Variants in MELK observed in about 807,000 individuals in gnomAD.
The protein encoded by MELK is maternal embryonic leucine zipper kinase.
MELK carries 81 observed loss-of-function variants against 85.0 expected under a neutral mutation model. The ratio of observed to expected loss-of-function variants is 0.95; its 90% CI spans 0.80 to 1.15. MELK has a LOEUF of 1.15. MELK is among the 50% of genes most tolerant of loss of function. MELK has a pLI of 0.00. For missense variants in MELK, 754 were observed against 777.5 expected (o/e 0.97, Z 0.36); for synonymous variants, 252 against 265.0 (o/e 0.95, Z 0.48).
At chr9:36,608,077 G>A (rs912642994) in intron 8 of MELK, among the ~76,000 whole-genome samples, 5 of 151,866 alleles carry the variant, frequency 3.3e-5, no homozygotes, top group African/African-American at 1.2e-4. Context: ...TCAGGAGATC[G>A]AGACCATCCT....
At chr9:36,676,891 A>G (rs557098687) in intron 17 of MELK, among the ~76,000 whole-genome samples, 1 of 152,344 alleles carries the variant, frequency 6.6e-6, no homozygotes, top group African/African-American at 2.4e-5. Context: ...ATGTATAGCT[A>G]TGAAACAGGG....
intron 4 of MELK, among the ~76,000 whole-genome samples, chr9:36,592,445 G>A (rs1823721808): frequency 3.3e-5 from 5 of 152,074 alleles, no homozygotes; most frequent in African/African-American, 1.2e-4. Flanking sequence ...CAAAGTGCTC[G>A]GGATTACAGG....
chr9:36,674,819 TTTTTC>T lies in MELK; in HGVS notation c.1675-7_1675-3del. The T allele has an allele frequency of 6.7e-7, 1 of 1,495,532 alleles. No individual in the cohort carries two copies. The highest frequency in any genetic ancestry group is 9.3e-7 in the Non-Finnish European group (1 of 1,079,346). 92.6% of individuals were successfully genotyped at this position (1,495,532 alleles called of 1,614,324 possible). A position where few individuals can be genotyped will look rare whatever the true frequency, so the allele number is the denominator to read the frequency against. On this transcript the variant is annotated splice_polypyrimidine_tract_variant and intron_variant, in intron 16 of 17. Coordinates refer to ENST00000298048, the MANE Select transcript of MELK (RefSeq NM_014791.4). The stretch of plus-strand genomic sequence containing the variant: ...GTAAAAATTTACTTCTCATCTCTTC[TTTTTC>T]TTTTCTTAGCTTCACTATAACGTGA...
At position 36,665,585 on chromosome 9, in the gene MELK, T is replaced by C; in HGVS notation, c.1408+4T>C. The C allele has an allele frequency of 6.3e-7, 1 of 1,597,684 alleles. No individual in the cohort carries two copies. Among genetic ancestry groups the C allele is most frequent in the Non-Finnish European group, 8.6e-7 (1 of 1,168,532 alleles). On this transcript the variant is annotated splice_donor_region_variant and intron_variant, in intron 14 of 17. Transcript: ENST00000298048. ...CGTTACACTACACCCTCAAAAGGTATTTGCTAAGTGAATTAAGCAGTAAGA... is the reference window on the plus strand; with the variant it reads ...CGTTACACTACACCCTCAAAAGGTACTTGCTAAGTGAATTAAGCAGTAAGA...
intron 8 of MELK, among the ~76,000 whole-genome samples, chr9:36,620,855 CCTT>C (rs1012293560): frequency 6.6e-6 from 1 of 151,910 alleles, no homozygotes; most frequent in African/African-American, 2.4e-5. Flanking sequence ...AGCTGCATTC[CCTT>C]CTTTTGAGAT....
At chr9:36,635,798 C>CTTTTT (rs759256315) in intron 10 of MELK, among the ~76,000 whole-genome samples, 1 of 134,094 alleles carries the variant, frequency 7.5e-6, no homozygotes, top group Non-Finnish European at 1.6e-5. Flanking sequence ...TTAAAAAATG[C>CTTTTT]TTTTTTTTTT....
intron 14 of MELK, among the ~76,000 whole-genome samples, chr9:36,667,949 A>T (rs911193339): frequency 7.2e-5 from 11 of 152,084 alleles, no homozygotes; most frequent in Admixed American, 4.6e-4. Flanking sequence ...TTGTATTTTT[A>T]GTAGAGATGG....
At chr9:36,676,564 A>G (rs1833365913) in intron 17 of MELK, among the ~76,000 whole-genome samples, 1 of 152,100 alleles carries the variant, frequency 6.6e-6, no homozygotes, top group Admixed American at 6.5e-5. Context: ...CGTACGTTTC[A>G]GTTATGGGAA....
intron 3 of MELK, among the ~76,000 whole-genome samples, chr9:36,589,231 C>T (rs1823272252): frequency 6.6e-6 from 1 of 151,960 alleles, no homozygotes; most frequent in Non-Finnish European, 1.5e-5. Flanking sequence ...TCACTCCAAG[C>T]TCCGCCTCCC....
chr9:36,677,392 A>T lies in MELK; in HGVS notation c.*55A>T. On this transcript the variant is annotated 3_prime_UTR_variant, in exon 18 of 18. Transcript: ENST00000298048. Reference sequence around the variant, plus strand: ...GTGTGGGTGTGATACAGCCTACATAAAGACTGTTATGATCGCTTTGATTTT... The same window carrying T: ...GTGTGGGTGTGATACAGCCTACATATAGACTGTTATGATCGCTTTGATTTT... The T allele has an allele frequency of 1.4e-6, 2 of 1,473,876 alleles. No homozygotes were observed. Among genetic ancestry groups the T allele is most frequent in the Non-Finnish European group, 9.1e-7 (1 of 1,094,846 alleles). 91.3% of individuals were successfully genotyped at this position (1,473,876 alleles called of 1,614,324 possible). A position where few individuals can be genotyped will look rare whatever the true frequency, so the allele number is the denominator to read the frequency against.
At chr9:36,645,970 G>A (rs911993444) in intron 11 of MELK, among the ~76,000 whole-genome samples, 3 of 152,198 alleles carry the variant, frequency 2.0e-5, no homozygotes, top group Non-Finnish European at 2.9e-5. Context: ...GTCTAGCTCA[G>A]TTCTCAACCA....
intron 8 of MELK, among the ~76,000 whole-genome samples, chr9:36,617,955 G>A (rs1027354076): frequency 2.0e-4 from 30 of 151,766 alleles, no homozygotes; most frequent in African/African-American, 6.8e-4. Context: ...GTGAGACTCC[G>A]TCTCTACAAA....
intron 11 of MELK, among the ~76,000 whole-genome samples, chr9:36,649,340 AG>A (rs1830487788): frequency 6.6e-6 from 1 of 152,068 alleles, no homozygotes; most frequent in Non-Finnish European, 1.5e-5. Context: ...CAAAAAAAAT[AG>A]CCGGGTGTGG....
In MELK at chr9:36,589,506, T is replaced by C. The variant is rs1294387393; in HGVS notation, c.145-30T>C. 1.2e-5 allele frequency: 18 copies of C among 1,537,894 alleles called. No individual in the cohort carries two copies. In the East Asian group the frequency reaches 3.8e-4, roughly 33 times the overall value. The stretch of plus-strand genomic sequence containing the variant: ...TTGGAACACCACCTGAATAAGTTTA[T>C]TGCTCATTCCATATGATGTTTTGTC... On this transcript the variant is annotated intron_variant, in intron 3 of 17. Coordinates refer to ENST00000298048, the MANE Select transcript of MELK (RefSeq NM_014791.4).
intron 3 of MELK, among the ~76,000 whole-genome samples, chr9:36,584,470 A>G (rs1332871699): frequency 1.4e-5 from 2 of 143,888 alleles, no homozygotes; most frequent in Non-Finnish European, 3.0e-5. Flanking sequence ...GGTGCCCGCC[A>G]CCATGCCTGG....
At chr9:36,604,702 G>C (rs1825303400) in intron 7 of MELK, among the ~76,000 whole-genome samples, 1 of 151,934 alleles carries the variant, frequency 6.6e-6, no homozygotes, top group Admixed American at 6.6e-5. Flanking sequence ...GGAGTGCAAT[G>C]GCGTGATCTT....
At chr9:36,609,573 C>T (rs1380777640) in intron 8 of MELK, among the ~76,000 whole-genome samples, 2 of 151,824 alleles carry the variant, frequency 1.3e-5, no homozygotes, top group Middle Eastern at 3.4e-3. Flanking sequence ...TCAACCTCCC[C>T]ACTAGCTGGG....
chr9:36,583,805 A>G, intron 3 of MELK, 93 bp downstream of exon 3: 1 of 839,342 alleles, frequency 1.2e-6, no homozygotes, highest in East Asian at 2.7e-5. Context: ...TACTGCTCTT[A>G]GAATAATATT....
At chr9:36,645,040 G>A (rs1166042355) in intron 11 of MELK, among the ~76,000 whole-genome samples, 2 of 151,644 alleles carry the variant, frequency 1.3e-5, no homozygotes, top group Admixed American at 6.6e-5. Flanking sequence ...AGTCCGAGGC[G>A]GGCGGATCAT....
Sources: allele counts gnomAD v4.1 joint callset (sites outside exome capture counted in the v4.1 genomes callset), GRCh38; gene constraint gnomAD v4.1.1; transcripts MANE v1.5; gene names NCBI Gene and HGNC (gene_info 2026-07-23, HGNC 2026-07-21).